Variants in CNBD1 observed in about 807,000 individuals in gnomAD.
CNBD1 encodes cyclic nucleotide-binding domain-containing protein 1.
CNBD1 carries 71 observed loss-of-function variants against 54.4 expected under a neutral mutation model. That is an observed-to-expected ratio of 1.30 (90% CI 1.08 to 1.59). The LOEUF (loss-of-function observed/expected upper bound fraction) is 1.59. Among genes scored for constraint, CNBD1 ranks in the 40% most tolerant of loss-of-function variants. The probability of loss-of-function intolerance (pLI) is 0.00; values close to 1 mark genes in which losing one functional copy is unlikely to be tolerated. For missense variants in CNBD1, 659 were observed against 518.0 expected, an observed-to-expected ratio of 1.27 and a Z score of -2.64; for synonymous variants, 182 against 170.7, an observed-to-expected ratio of 1.07 and a Z score of -0.51.
chr8:87,093,012 G>A (rs1811248377), intron 4 of CNBD1, among the ~76,000 whole-genome samples: 2 of 152,032 alleles, frequency 1.3e-5, no homozygotes, highest in Admixed American at 6.6e-5. Flanking sequence ...TAAGTCTTTG[G>A]CTTTTTCCTC....
chr8:87,408,226 CTA>C (rs1442110731), intron 2 of CNBD1, among the ~76,000 whole-genome samples: 3 of 151,940 alleles, frequency 2.0e-5, no homozygotes, highest in Admixed American at 6.6e-5. Context: ...TACTATAATT[CTA>C]TGTTTGTCAG....
chr8:86,963,954 AG>A (rs1808004897), intron 4 of CNBD1, among the ~76,000 whole-genome samples: 1 of 152,184 alleles, frequency 6.6e-6, no homozygotes, highest in African/African-American at 2.4e-5. Flanking sequence ...AGCAGTTGAC[AG>A]GTGCATTGTG....
chr8:87,232,942 TA>T, intron 5 of CNBD1, among the ~76,000 whole-genome samples: 1 of 152,164 alleles, frequency 6.6e-6, no homozygotes, highest in Non-Finnish European at 1.5e-5. Flanking sequence ...TTAACTAATT[TA>T]ATTATTATTA....
rs1300240676 is a variant in CNBD1, at chr8:86,991,258, A to G, written c.431+51504A>G. Among the ~76,000 whole-genome samples, 7 of 152,040 alleles carry G rather than the reference A, an allele frequency of 4.6e-5. No homozygotes were observed. In the East Asian group the frequency reaches 1.3e-3, roughly 29 times the overall value. ...AAGTGGGCATCCTTTCATATTCCAG[A>G]TCTTAAAGGAAAGGATTTCAGTTTT... On this transcript the variant is annotated intron_variant, in intron 4 of 10. Transcript: ENST00000518476.
chr8:86,905,965 T>C (rs1342523005), intron 3 of CNBD1, among the ~76,000 whole-genome samples: 1 of 152,234 alleles, frequency 6.6e-6, no homozygotes, highest in African/African-American at 2.4e-5. Flanking sequence ...CATCCTTGGC[T>C]ACCCCACTGC....
chr8:87,152,688 C>T (rs564541743), intron 4 of CNBD1, among the ~76,000 whole-genome samples: 6 of 152,196 alleles, frequency 3.9e-5, no homozygotes, highest in Admixed American at 3.9e-4. Context: ...TGAACTCCAT[C>T]CTCACATGTG....
At chr8:86,886,671 A>G (rs1248709665) in intron 1 of CNBD1, among the ~76,000 whole-genome samples, 1 of 152,224 alleles carries the variant, frequency 6.6e-6, no homozygotes, top group Non-Finnish European at 1.5e-5. Context: ...TCAAATTCCA[A>G]TTCTTCATAA....
intron 2 of CNBD1, among the ~76,000 whole-genome samples, chr8:87,390,394 A>G (rs1354332602): frequency 2.6e-5 from 4 of 152,096 alleles, no homozygotes; most frequent in Non-Finnish European, 5.9e-5. Flanking sequence ...ACTTAAACAA[A>G]TTTACAAGAA....
At chr8:87,413,633 G>T (rs570657847) in intron 2 of CNBD1, among the ~76,000 whole-genome samples, 4 of 152,004 alleles carry the variant, frequency 2.6e-5, no homozygotes, top group Non-Finnish European at 5.9e-5. Flanking sequence ...CTGACAAAGG[G>T]CTAATATCCA....
chr8:87,331,077 C>T (rs978556645), intron 8 of CNBD1, among the ~76,000 whole-genome samples: 10 of 151,826 alleles, frequency 6.6e-5, no homozygotes, highest in East Asian at 1.9e-4. Flanking sequence ...ACTTTAAGTT[C>T]GAGGATACAT....
At chr8:86,989,003 C>G (rs1021544581) in intron 4 of CNBD1, among the ~76,000 whole-genome samples, 1 of 152,084 alleles carries the variant, frequency 6.6e-6, no homozygotes, top group African/African-American at 2.4e-5. Flanking sequence ...GGAATGATGG[C>G]TCATACCTGT....
chr8:87,277,659 A>G (rs1483612269), intron 6 of CNBD1, among the ~76,000 whole-genome samples: 1 of 151,744 alleles, frequency 6.6e-6, no homozygotes, highest in Non-Finnish European at 1.5e-5. Flanking sequence ...ACCCAGAACC[A>G]AAACACTGTC....
At chr8:87,424,487 A>G (rs1050871323) in intron 2 of CNBD1, among the ~76,000 whole-genome samples, 1 of 152,086 alleles carries the variant, frequency 6.6e-6, no homozygotes, top group Non-Finnish European at 1.5e-5. Flanking sequence ...CTTTGTTCTC[A>G]CTGGTTTCAA....
intron 4 of CNBD1, among the ~76,000 whole-genome samples, chr8:86,951,060 T>C (rs1234802904): frequency 2.0e-5 from 3 of 152,194 alleles, no homozygotes; most frequent in Admixed American, 6.5e-5. Context: ...ACTTTTCTAC[T>C]GTTTGCTTTT....
At chr8:87,265,647 A>T (rs1448626463) in intron 6 of CNBD1, among the ~76,000 whole-genome samples, 1 of 152,128 alleles carries the variant, frequency 6.6e-6, no homozygotes, top group Non-Finnish European at 1.5e-5. Context: ...CTTTGAGCTA[A>T]ATCTAGGCTG....
At chr8:87,189,796 A>G (rs1301210398) in intron 4 of CNBD1, among the ~76,000 whole-genome samples, 1 of 152,188 alleles carries the variant, frequency 6.6e-6, no homozygotes, top group African/African-American at 2.4e-5. Flanking sequence ...AATAAAATCA[A>G]TTGTTATTCT....
intron 4 of CNBD1, among the ~76,000 whole-genome samples, chr8:87,144,514 G>T (rs900056664): frequency 1.4e-4 from 21 of 152,112 alleles, no homozygotes; most frequent in African/African-American, 4.6e-4. Flanking sequence ...GTCTTGGTAG[G>T]TTTAAAAACT....
intron 2 of CNBD1, among the ~76,000 whole-genome samples, chr8:86,889,865 T>A (rs910435830): frequency 6.6e-5 from 10 of 152,140 alleles, no homozygotes; most frequent in African/African-American, 2.4e-4. Context: ...CTTCTGATGA[T>A]TCAAAAAAAT....
At chr8:87,153,694 G>A (rs1812653410) in intron 4 of CNBD1, among the ~76,000 whole-genome samples, 1 of 152,162 alleles carries the variant, frequency 6.6e-6, no homozygotes, top group Admixed American at 6.5e-5. Context: ...CTATAATGGG[G>A]TCAGACACTG....
Sources: allele counts gnomAD v4.1 joint callset (sites outside exome capture counted in the v4.1 genomes callset), GRCh38; gene constraint gnomAD v4.1.1; transcripts MANE v1.5; gene names NCBI Gene and HGNC (gene_info 2026-07-23, HGNC 2026-07-21).